Variants in PLAC1 observed in about 807,000 individuals in gnomAD.
PLAC1 encodes placenta-specific protein 1.
For missense variants in PLAC1, 136 were observed against 163.2 expected, an observed-to-expected ratio of 0.83 and a Z score of 0.91; for synonymous variants, 68 against 62.1, an observed-to-expected ratio of 1.09 and a Z score of -0.44.
intron 2 of PLAC1, among the ~76,000 whole-genome samples, chrX:134,665,298 C>T (rs1365007612): frequency 8.9e-6 from 1 of 111,947 alleles, no homozygotes; most frequent in Non-Finnish European, 1.9e-5. Flanking sequence ...TATTCTTGCA[C>T]TTCAGAGAAA....
intron 1 of PLAC1, among the ~76,000 whole-genome samples, chrX:134,603,478 C>G (rs1291563675): frequency 9.9e-6 from 1 of 100,689 alleles, no homozygotes. Flanking sequence ...GCTGGGACTA[C>G]AGGTGCCCGC....
intron 2 of PLAC1, among the ~76,000 whole-genome samples, chrX:134,709,715 G>C (rs2078622212): frequency 1.8e-5 from 2 of 111,891 alleles, no homozygotes; most frequent in Non-Finnish European, 3.8e-5. Context: ...CTAGGTAAAG[G>C]ACAGAGATTG....
At chrX:134,594,698 G>T (rs1225213549) in intron 2 of PLAC1, among the ~76,000 whole-genome samples, 1 of 110,760 alleles carries the variant, frequency 9.0e-6, no homozygotes, top group Non-Finnish European at 1.9e-5. Context: ...GTTTGTAGTA[G>T]TATCCCCTGT....
At chrX:134,573,228 C>T (rs1450759494) in intron 2 of PLAC1, among the ~76,000 whole-genome samples, 2 of 112,322 alleles carry the variant, frequency 1.8e-5, no homozygotes, top group African/African-American at 6.5e-5. Flanking sequence ...GAATTTTAAA[C>T]TTGAACAAAG....
chrX:134,651,729 T>C (rs1404917916), intron 1 of PLAC1, among the ~76,000 whole-genome samples: 1 of 97,003 alleles, frequency 1.0e-5, no homozygotes, highest in Non-Finnish European at 2.1e-5. Context: ...CTCACCTTTT[T>C]CCCCCCTTTC....
At chrX:134,754,373 T>C (rs1375950916) in intron 1 of PLAC1, among the ~76,000 whole-genome samples, 1 of 112,219 alleles carries the variant, frequency 8.9e-6, no homozygotes, top group Non-Finnish European at 1.9e-5. Context: ...GGCTAATACA[T>C]GAGATTTTTC....
chrX:134,671,923 A>G (rs923506594), intron 2 of PLAC1, among the ~76,000 whole-genome samples: 5 of 111,574 alleles, frequency 4.5e-5, no homozygotes, highest in Admixed American at 3.8e-4. Context: ...GGCACCACAA[A>G]CCCATGGGCA....
upstream of PLAC1, among the ~76,000 whole-genome samples, chrX:134,660,482 A>G (rs906287062): frequency 2.7e-5 from 3 of 112,467 alleles, no homozygotes; most frequent in Non-Finnish European, 5.6e-5. Context: ...AATGCAAAAA[A>G]GAACCGAAAT....
intron 2 of PLAC1, among the ~76,000 whole-genome samples, chrX:134,691,834 T>G (rs1209802030): frequency 2.7e-5 from 3 of 111,532 alleles, no homozygotes; most frequent in African/African-American, 9.8e-5. Flanking sequence ...CAGTTTCTTC[T>G]GGGAATTCAG....
At chrX:134,723,096 A>C (rs1249818082) in intron 2 of PLAC1, among the ~76,000 whole-genome samples, 1 of 111,519 alleles carries the variant, frequency 9.0e-6, no homozygotes, top group Non-Finnish European at 1.9e-5. Context: ...ATTTAAATAA[A>C]AATTTCCTTT....
chrX:134,722,266 G>A (rs1057151406), intron 2 of PLAC1, among the ~76,000 whole-genome samples: 6 of 111,792 alleles, frequency 5.4e-5, no homozygotes, highest in Admixed American at 4.8e-4. Context: ...GCCAAAAGAT[G>A]GAAACAACTC....
At chrX:134,656,416 C>T (rs1008858112) in intron 1 of PLAC1, among the ~76,000 whole-genome samples, 1 of 111,372 alleles carries the variant, frequency 9.0e-6, no homozygotes, top group South Asian at 3.8e-4. Flanking sequence ...CTAGGGGTCA[C>T]TCCAAGCCTC....
intron 1 of PLAC1, among the ~76,000 whole-genome samples, chrX:134,635,205 A>T (rs2078278045): frequency 8.9e-6 from 1 of 111,996 alleles, no homozygotes; most frequent in South Asian, 3.8e-4. Context: ...ACAAGCTGGG[A>T]GGTCATGTGA....
chrX:134,619,650 C>CA (rs374028482), intron 1 of PLAC1, among the ~76,000 whole-genome samples: 818 of 55,321 alleles, frequency 0.015, 8 homozygotes, highest in African/African-American at 0.046. Context: ...GACTCCATCT[C>CA]AAAAAAAAAA....
intron 2 of PLAC1, among the ~76,000 whole-genome samples, chrX:134,577,045 G>A (rs1055019270): frequency 8.9e-6 from 1 of 111,926 alleles, no homozygotes; most frequent in African/African-American, 3.3e-5. Context: ...TGAGATAGGA[G>A]CCTGCAATTA....
intron 1 of PLAC1, among the ~76,000 whole-genome samples, chrX:134,604,845 T>C (rs2078114974): frequency 9.0e-6 from 1 of 111,248 alleles, no homozygotes; most frequent in Non-Finnish European, 1.9e-5. Context: ...CTTTGTAAGC[T>C]CCCAGCTAAC....
intron 1 of PLAC1, among the ~76,000 whole-genome samples, chrX:134,613,248 T>C (rs1305616967): frequency 9.0e-6 from 1 of 111,370 alleles, no homozygotes; most frequent in Non-Finnish European, 1.9e-5. Context: ...TTCCCTTTTG[T>C]ACCTTTCATG....
At position 134,752,881 on chromosome X, in the gene PLAC1, T is replaced by C. The variant is rs183415594; in HGVS notation, n.89+11353A>G. ...TGATTTGTATGAAAAGAAAAATAAA[T>C]TGAAAAGAGGGCATTCATGTATATA... On this transcript the variant is annotated intron_variant and non_coding_transcript_variant, in intron 1 of 2. Transcript: ENST00000466797. Among the ~76,000 whole-genome samples the C allele has an allele frequency of 2.7e-5, 3 of 111,352 alleles. No homozygotes were observed. In the Admixed American group the frequency reaches 2.9e-4, roughly 11 times the overall value.
chrX:134,716,394 C>T (rs929542126), intron 2 of PLAC1, among the ~76,000 whole-genome samples: 1 of 112,633 alleles, frequency 8.9e-6, no homozygotes, highest in African/African-American at 3.2e-5. Context: ...TCAAGGGTTA[C>T]AGAGATCAGT....
Sources: allele counts gnomAD v4.1 joint callset (sites outside exome capture counted in the v4.1 genomes callset), GRCh38; gene constraint gnomAD v4.1.1; transcripts MANE v1.5; gene names NCBI Gene and HGNC (gene_info 2026-07-23, HGNC 2026-07-21).